The following KHDRBS2 variants were observed in gnomAD, a reference collection of about 807,000 sequenced individuals.
KHDRBS2 encodes the protein KH domain-containing, RNA-binding, signal transduction-associated protein 2.
Under a neutral mutation model 44.3 loss-of-function variants are expected in KHDRBS2, and 26 were observed. The observed-to-expected ratio is 0.59, with a 90% CI of 0.43 to 0.81. KHDRBS2 has a LOEUF of 0.81. KHDRBS2 is among the 40% of genes least tolerant of loss of function. The probability of loss-of-function intolerance (pLI) is 0.00; values close to 1 mark genes in which losing one functional copy is unlikely to be tolerated. For missense variants in KHDRBS2, 476 were observed against 433.1 expected, an observed-to-expected ratio of 1.10 and a Z score of -0.88; for synonymous variants, 194 against 151.1, an observed-to-expected ratio of 1.28 and a Z score of -2.08.
intron 7 of KHDRBS2, among the ~76,000 whole-genome samples, chr6:61,704,237 G>C (rs1324796967): frequency 2.0e-5 from 3 of 151,734 alleles, no homozygotes; most frequent in Non-Finnish European, 4.4e-5. Flanking sequence ...CATACATTCA[G>C]TCTGTTTTTT....
intron 6 of KHDRBS2, among the ~76,000 whole-genome samples, chr6:61,763,728 C>A (rs1202634375): frequency 6.6e-6 from 1 of 152,106 alleles, no homozygotes; most frequent in Admixed American, 6.6e-5. Context: ...TATGTGGAAT[C>A]CTTAAGTCAT....
chr6:61,957,474 G>T (rs367946630), intron 4 of KHDRBS2, among the ~76,000 whole-genome samples: 1 of 151,396 alleles, frequency 6.6e-6, no homozygotes, highest in South Asian at 2.1e-4. Flanking sequence ...AAGAGAATGC[G>T]TCCCTGAGGG....
At chr6:61,847,303 C>T (rs1160586337) in intron 6 of KHDRBS2, among the ~76,000 whole-genome samples, 4 of 152,092 alleles carry the variant, frequency 2.6e-5, no homozygotes, top group South Asian at 4.1e-4. Context: ...ATCCACTCTT[C>T]GAAATGTCCA....
intron 2 of KHDRBS2, among the ~76,000 whole-genome samples, chr6:62,139,185 A>G (rs1812217513): frequency 6.6e-6 from 1 of 152,244 alleles, no homozygotes; most frequent in Middle Eastern, 3.4e-3. Flanking sequence ...CTAGATGCCA[A>G]TGGAAAGACA....
intron 2 of KHDRBS2, among the ~76,000 whole-genome samples, chr6:62,070,476 C>G (rs542736777): frequency 6.6e-6 from 1 of 151,966 alleles, no homozygotes; most frequent in African/African-American, 2.4e-5. Flanking sequence ...TCTCCTAATG[C>G]TATCCCTCCC....
chr6:62,107,452 A>C (rs529646114), intron 2 of KHDRBS2, among the ~76,000 whole-genome samples: 1 of 152,338 alleles, frequency 6.6e-6, no homozygotes, highest in Non-Finnish European at 1.5e-5. Context: ...GAGGATACAA[A>C]CAAACGAAAG....
chr6:61,883,309 A>G (rs1384311800), intron 6 of KHDRBS2, among the ~76,000 whole-genome samples: 1 of 152,032 alleles, frequency 6.6e-6, no homozygotes, highest in Admixed American at 6.6e-5. Context: ...TTGCATAAAG[A>G]TCACGGCATT....
intron 2 of KHDRBS2, among the ~76,000 whole-genome samples, chr6:62,128,458 C>A (rs1809477631): frequency 6.6e-6 from 1 of 151,934 alleles, no homozygotes; most frequent in Admixed American, 6.6e-5. Flanking sequence ...TAATAGATAT[C>A]TTACTGGAAA....
intron 7 of KHDRBS2, among the ~76,000 whole-genome samples, chr6:61,707,514 T>C (rs1377890681): frequency 6.6e-6 from 1 of 151,802 alleles, no homozygotes; most frequent in African/African-American, 2.4e-5. Flanking sequence ...ATATACATTT[T>C]CCATTCAAAT....
intron 7 of KHDRBS2, among the ~76,000 whole-genome samples, chr6:61,722,305 C>G (rs1376660589): frequency 6.6e-6 from 1 of 152,058 alleles, no homozygotes; most frequent in Non-Finnish European, 1.5e-5. Flanking sequence ...AACACCTTTT[C>G]TGATTCATTT....
At chr6:62,098,273 G>T (rs1801101407) in intron 2 of KHDRBS2, among the ~76,000 whole-genome samples, 2 of 135,728 alleles carry the variant, frequency 1.5e-5, no homozygotes, top group Non-Finnish European at 1.6e-5. Flanking sequence ...TTACAAGTTA[G>T]AACCTCTTTC....
At chr6:61,872,568 A>T (rs994047455) in intron 6 of KHDRBS2, among the ~76,000 whole-genome samples, 2 of 152,148 alleles carry the variant, frequency 1.3e-5, no homozygotes, top group Non-Finnish European at 2.9e-5. Flanking sequence ...TGTGAAAGGT[A>T]TGTAGAAATA....
At chr6:61,622,247 C>T in the KHDRBS2 span, among the ~76,000 whole-genome samples, 3,277 of 152,268 alleles carry the variant, frequency 0.022, 121 homozygotes, top group African/African-American at 0.075. Flanking sequence ...AAGGGATTTC[C>T]CTATGTGTGA....
chr6:62,046,152 G>A (rs546529973), intron 3 of KHDRBS2, among the ~76,000 whole-genome samples: 1 of 151,832 alleles, frequency 6.6e-6, no homozygotes, highest in Non-Finnish European at 1.5e-5. Context: ...GGTAATATTA[G>A]TAAATTAAAC....
chr6:61,697,117 A>G, intron 8 of KHDRBS2, 78 bp downstream of exon 8: 1 of 966,352 alleles, frequency 1.0e-6, no homozygotes, highest in Non-Finnish European at 1.7e-6. Flanking sequence ...TAGGGGGAGA[A>G]AGATGGAAAT....
the KHDRBS2 span, among the ~76,000 whole-genome samples, chr6:61,591,667 A>G: frequency 2.6e-5 from 4 of 152,162 alleles, no homozygotes; most frequent in Admixed American, 2.6e-4. Context: ...ACAGAACAGA[A>G]TTGTAAAATC....
In KHDRBS2 at chr6:61,931,324, T is replaced by A. The variant is rs1413937641; in HGVS notation, c.484-29953A>T. 2.0e-5 allele frequency among the ~76,000 whole-genome samples: 3 copies of A among 152,016 alleles called. No individual in the cohort carries two copies. The East Asian group carries it at 5.8e-4, about 29-fold the overall frequency. ...GAAACTTTCAGGTAACTAAACTTTT[T>A]ATAAAGGTTGGAAGTTTTATAAAAG... On this transcript the variant is annotated intron_variant, in intron 4 of 8. Coordinates refer to ENST00000281156, the MANE Select transcript of KHDRBS2 (RefSeq NM_152688.4).
intron 2 of KHDRBS2, among the ~76,000 whole-genome samples, chr6:62,053,285 C>T (rs1489706276): frequency 6.6e-6 from 1 of 151,310 alleles, no homozygotes; most frequent in Non-Finnish European, 1.5e-5. Context: ...AAGAACTCAG[C>T]AGGAGAATAT....
chr6:61,675,738 T>C (rs1765894687), downstream of KHDRBS2, among the ~76,000 whole-genome samples: 2 of 151,834 alleles, frequency 1.3e-5, no homozygotes, highest in South Asian at 4.1e-4. Flanking sequence ...TTATTCTTAA[T>C]TTTATTATTA....
Sources: gnomAD v4.1 joint callset for allele counts (sites outside exome capture counted in the v4.1 genomes callset) on GRCh38, gnomAD v4.1.1 for gene constraint, MANE v1.5 for transcripts, NCBI Gene and HGNC (gene_info 2026-07-23, HGNC 2026-07-21) for gene names.